Variants in DLG2 observed in about 807,000 individuals in gnomAD.
DLG2 encodes the protein discs large MAGUK scaffold protein 2.
DLG2 carries 45 observed loss-of-function variants against 132.5 expected under a neutral mutation model. The ratio of observed to expected loss-of-function variants is 0.34; its 90% CI spans 0.27 to 0.44. The LOEUF (loss-of-function observed/expected upper bound fraction) is 0.44, where lower values mean the gene tolerates loss of function less well. Among genes scored for constraint, DLG2 ranks in the 20% least tolerant of loss-of-function variants. DLG2 has a pLI of 1.00. For missense variants in DLG2, 1,045 were observed against 1,196.9 expected, an observed-to-expected ratio of 0.87 and a Z score of 1.87; for synonymous variants, 424 against 419.6, an observed-to-expected ratio of 1.01 and a Z score of -0.13.
chr11:85,565,006 T>C (rs1160735138), intron 3 of DLG2, among the ~76,000 whole-genome samples: 1 of 152,094 alleles, frequency 6.6e-6, no homozygotes, highest in Non-Finnish European at 1.5e-5. Context: ...TGGTAAATTG[T>C]ACTGTATTAT....
chr11:84,711,131 A>T lies in DLG2; in HGVS notation c.358-176400T>A, dbSNP rs1291872406. ...AAGTATAATCTGTGACTTACAATAAAGTAAATCCATAACCTTATGAGGAAA... is the reference window on the plus strand; with the variant it reads ...AAGTATAATCTGTGACTTACAATAATGTAAATCCATAACCTTATGAGGAAA... On this transcript the variant is annotated intron_variant, in intron 6 of 27. Coordinates refer to ENST00000376104, the MANE Select transcript of DLG2 (RefSeq NM_001142699.3). 2.6e-5 allele frequency among the ~76,000 whole-genome samples: 4 copies of T among 151,434 alleles called. No individual in the cohort carries two copies. The East Asian group carries it at 7.8e-4, about 30-fold the overall frequency.
chr11:85,540,449 G>C (rs372716265), intron 3 of DLG2, among the ~76,000 whole-genome samples: 1 of 152,136 alleles, frequency 6.6e-6, no homozygotes, highest in Non-Finnish European at 1.5e-5. Context: ...GATGCCTGCC[G>C]CTGGGCAGCC....
At chr11:84,821,656 A>AAAC (rs1217351268) in intron 6 of DLG2, among the ~76,000 whole-genome samples, 1 of 151,276 alleles carries the variant, frequency 6.6e-6, no homozygotes, top group Non-Finnish European at 1.5e-5. Flanking sequence ...AACAACAAAA[A>AAAC]AAACAAAAAA....
chr11:84,205,587 T>C (rs1344510672), intron 8 of DLG2, among the ~76,000 whole-genome samples: 4 of 152,006 alleles, frequency 2.6e-5, no homozygotes, highest in Non-Finnish European at 4.4e-5. Flanking sequence ...GTAACATATT[T>C]CTTAATTATT....
intron 6 of DLG2, among the ~76,000 whole-genome samples, chr11:84,903,352 A>G (rs2091125456): frequency 1.3e-5 from 2 of 152,036 alleles, no homozygotes; most frequent in South Asian, 4.2e-4. Flanking sequence ...GATATCTCCT[A>G]CCTCCTACTA....
At chr11:84,297,071 A>C (rs1026816285) in intron 7 of DLG2, among the ~76,000 whole-genome samples, 1 of 152,014 alleles carries the variant, frequency 6.6e-6, no homozygotes, top group African/African-American at 2.4e-5. Context: ...AAATGTGGTA[A>C]ATTATAATTG....
At chr11:85,421,093 G>C (rs1324432347) in intron 3 of DLG2, among the ~76,000 whole-genome samples, 1 of 152,216 alleles carries the variant, frequency 6.6e-6, no homozygotes, top group Admixed American at 6.5e-5. Flanking sequence ...GGCCCTGGTG[G>C]TGTAGGCACC....
At chr11:84,420,318 T>G (rs2098944364) in intron 7 of DLG2, among the ~76,000 whole-genome samples, 1 of 152,164 alleles carries the variant, frequency 6.6e-6, no homozygotes, top group African/African-American at 2.4e-5. Flanking sequence ...ACCAACTCTG[T>G]GAAGAGACAA....
At chr11:84,550,713 G>A (rs1213477353) in intron 6 of DLG2, among the ~76,000 whole-genome samples, 1 of 152,106 alleles carries the variant, frequency 6.6e-6, no homozygotes. Context: ...ACACTATAAA[G>A]ACTAAAGTTC....
intron 7 of DLG2, among the ~76,000 whole-genome samples, chr11:84,380,175 C>CA (rs1364182091): frequency 6.6e-6 from 1 of 151,942 alleles, no homozygotes; most frequent in Non-Finnish European, 1.5e-5. Context: ...AATAGATGCT[C>CA]ATGGAAACCT....
At chr11:84,923,762 C>A (rs1288858306) in intron 6 of DLG2, among the ~76,000 whole-genome samples, 2 of 152,218 alleles carry the variant, frequency 1.3e-5, no homozygotes, top group East Asian at 3.9e-4. Context: ...CATATAAAGT[C>A]CCCTAAAATG....
chr11:84,411,608 T>G (rs539733665), intron 7 of DLG2, among the ~76,000 whole-genome samples: 14 of 152,030 alleles, frequency 9.2e-5, no homozygotes, highest in Non-Finnish European at 1.9e-4. Flanking sequence ...GTAGGAGAAA[T>G]AAGTAAGAGG....
intron 6 of DLG2, among the ~76,000 whole-genome samples, chr11:84,647,579 G>A (rs534576779): frequency 8.5e-5 from 13 of 152,226 alleles, no homozygotes; most frequent in South Asian, 4.1e-4. Context: ...TCATTTCTGC[G>A]TTTATTTAAA....
chr11:84,549,190 G>A (rs1026353459), intron 6 of DLG2, among the ~76,000 whole-genome samples: 2 of 152,166 alleles, frequency 1.3e-5, no homozygotes, highest in African/African-American at 4.8e-5. Context: ...TGCTGGAGAG[G>A]ACCAGGCTTT....
intron 6 of DLG2, among the ~76,000 whole-genome samples, chr11:84,750,244 G>A (rs779305567): frequency 3.3e-5 from 5 of 152,004 alleles, no homozygotes; most frequent in Admixed American, 6.6e-5. Flanking sequence ...ATGGTGATTT[G>A]CTGCACAGAT....
chr11:83,459,902 T>C lies in DLG2; in HGVS notation c.2844A>G (p.Leu948=), dbSNP rs2089551248. 6.2e-7 allele frequency: 1 copy of C among 1,601,020 alleles called. No individual in the cohort carries two copies. Among genetic ancestry groups the C allele is most frequent in the African/African-American group, 1.3e-5 (1 of 74,766 alleles). Residue 948 remains leucine, a synonymous_variant, in exon 28 of 28, where the codon TTA becomes TTG. Coordinates refer to ENST00000376104, the MANE Select transcript of DLG2 (RefSeq NM_001142699.3). Reference sequence around the variant, plus strand: ...GCTTGCATTGGTTATATATATCTTCTAAAGTATCTCCTTGGACAATAGCTG... The same window carrying C: ...GCTTGCATTGGTTATATATATCTTCCAAAGTATCTCCTTGGACAATAGCTG... ...YFTAIVQGDT[L]EDIYNQCKLV...
chr11:85,377,625 G>A (rs552262331), intron 3 of DLG2, among the ~76,000 whole-genome samples: 2 of 152,082 alleles, frequency 1.3e-5, no homozygotes, highest in East Asian at 3.9e-4. Context: ...GTTTCTGAGA[G>A]CTAATTCATT....
chr11:85,494,354 A>G (rs1217543467), intron 3 of DLG2, among the ~76,000 whole-genome samples: 1 of 152,218 alleles, frequency 6.6e-6, no homozygotes, highest in African/African-American at 2.4e-5. Context: ...GTTCTTAAAA[A>G]AATTACTGAA....
intron 6 of DLG2, among the ~76,000 whole-genome samples, chr11:84,542,849 G>A (rs912781312): frequency 2.6e-5 from 4 of 152,110 alleles, no homozygotes; most frequent in African/African-American, 4.8e-5. Context: ...TTCCCATCTA[G>A]GCCCTGCCAG....
Sources: allele counts gnomAD v4.1 joint callset (sites outside exome capture counted in the v4.1 genomes callset), GRCh38; gene constraint gnomAD v4.1.1; transcripts MANE v1.5; gene names NCBI Gene and HGNC (gene_info 2026-07-23, HGNC 2026-07-21).